Variants in TMLHE observed in about 807,000 individuals in gnomAD.
TMLHE encodes the protein trimethyllysine hydroxylase, epsilon.
Under a neutral mutation model 25.7 loss-of-function variants are expected in TMLHE, and 18 were observed. The ratio of observed to expected loss-of-function variants is 0.70; its 90% CI spans 0.48 to 1.04. The LOEUF (loss-of-function observed/expected upper bound fraction) is 1.04. Among genes scored for constraint, TMLHE ranks in the 50% least tolerant of loss-of-function variants. TMLHE has a pLI of 0.00. For missense variants in TMLHE, 236 were observed against 259.0 expected (o/e 0.91, Z 0.61); for synonymous variants, 105 against 97.0 (o/e 1.08, Z -0.49).
intron 1 of TMLHE, among the ~76,000 whole-genome samples, chrX:155,557,981 C>T (rs1459014539): frequency 8.9e-6 from 1 of 111,774 alleles, no homozygotes; most frequent in Admixed American, 9.5e-5. Flanking sequence ...TTGACCTATC[C>T]ACTCTTGCCC....
chrX:155,608,006 T>C (rs1370454927), intron 1 of TMLHE, among the ~76,000 whole-genome samples: 3 of 111,964 alleles, frequency 2.7e-5, no homozygotes, highest in Non-Finnish European at 5.6e-5. Flanking sequence ...ATAGATTCAA[T>C]GCTATTCTTA....
chrX:155,610,987 TA>T (rs1473183661), intron 1 of TMLHE, among the ~76,000 whole-genome samples: 4 of 111,878 alleles, frequency 3.6e-5, no homozygotes, highest in African/African-American at 6.5e-5. Flanking sequence ...AGTGAAAATA[TA>T]GCTAAACAAG....
chrX:155,604,099 T>C (rs1557347618), intron 1 of TMLHE, among the ~76,000 whole-genome samples: 1 of 111,557 alleles, frequency 9.0e-6, no homozygotes, highest in East Asian at 2.9e-4. Flanking sequence ...TCCAACCCCC[T>C]GGTCTTCACC....
chrX:155,538,713 C>T (rs1220672317), intron 2 of TMLHE, among the ~76,000 whole-genome samples: 1 of 111,743 alleles, frequency 8.9e-6, no homozygotes, highest in Non-Finnish European at 1.9e-5. Context: ...CTGTTACAAT[C>T]GTTGAAATAT....
chrX:155,551,203 T>A (rs1406891029), intron 1 of TMLHE, among the ~76,000 whole-genome samples: 4 of 110,945 alleles, frequency 3.6e-5, no homozygotes, highest in Non-Finnish European at 5.7e-5. Flanking sequence ...TTCCAGCAGC[T>A]CATGTATTTT....
At chrX:155,595,321 C>T (rs1569562258) in intron 1 of TMLHE, among the ~76,000 whole-genome samples, 1 of 111,987 alleles carries the variant, frequency 8.9e-6, no homozygotes, top group Admixed American at 9.5e-5. Context: ...ATCATCTCCA[C>T]AAGAGCAGTT....
At chrX:155,548,125 C>T (rs782088768) in intron 1 of TMLHE, among the ~76,000 whole-genome samples, 26 of 111,677 alleles carry the variant, frequency 2.3e-4, no homozygotes, top group Admixed American at 3.8e-4. Flanking sequence ...AATCTAAGAC[C>T]GCAAACTATG....
At position 155,556,342 on chromosome X, in the gene TMLHE, C is replaced by T. The variant is rs2067455260; in HGVS notation, c.-1-11065G>A. Among the ~76,000 whole-genome samples, 2 of 87,189 alleles carry T rather than the reference C, an allele frequency of 2.3e-5. 1 individual carries two copies. Among genetic ancestry groups the T allele is most frequent in the African/African-American group, 7.6e-5 (2 of 26,240 alleles). 75.7% of individuals were successfully genotyped at this position (87,189 alleles called of 115,157 possible). On this transcript the variant is annotated intron_variant, in intron 1 of 7. Coordinates refer to ENST00000334398, the MANE Select transcript of TMLHE (RefSeq NM_018196.4). ...GGACTTCTGTCCTATTATCGGGGGA[C>T]CTGCCCCGATAATCACGTGGGTTCT... is the stretch of plus-strand genomic sequence containing the variant.
At chrX:155,568,656 A>G (rs1557342510) in intron 1 of TMLHE, among the ~76,000 whole-genome samples, 1 of 61,750 alleles carries the variant, frequency 1.6e-5, no homozygotes, top group Non-Finnish European at 4.5e-5. Context: ...GAACGATCAG[A>G]CAGCAGCATT....
rs1190421913 is a variant in TMLHE at position 155,571,265 on chromosome X, C to T, written c.-1-25988G>A. 3.5e-5 allele frequency among the ~76,000 whole-genome samples: 2 copies of T among 56,345 alleles called. 1 individual carries two copies. The highest frequency in any genetic ancestry group is 8.5e-5 in the African/African-American group (2 of 23,417). 48.9% of individuals were successfully genotyped at this position (56,345 alleles called of 115,157 possible). ...TGGATACATTCCTTGACACATACAC[C>T]CTCCCAAAACTAAACCAGGAAGAAG... is the stretch of plus-strand genomic sequence containing the variant. On this transcript the variant is annotated intron_variant, in intron 1 of 7. Transcript: ENST00000334398.
intron 1 of TMLHE, among the ~76,000 whole-genome samples, chrX:155,609,431 TG>T (rs1299145973): frequency 9.0e-6 from 1 of 111,411 alleles, no homozygotes; most frequent in Non-Finnish European, 1.9e-5. Flanking sequence ...AACTATCTAT[TG>T]GGTACTATGC....
Position 155,562,397 on chromosome X carries a change from CTT to C in TMLHE, c.-1-17122_-1-17121del. ...AGGCCCTGGGCCTGGCCCATGAAAC[CTT>C]TTTTTTTTCTCCTAGGCATCTGGGC... On this transcript the variant is annotated intron_variant, in intron 1 of 7. Coordinates refer to ENST00000334398, the MANE Select transcript of TMLHE (RefSeq NM_018196.4). Among the ~76,000 whole-genome samples the C allele has an allele frequency of 3.5e-5, 2 of 57,538 alleles. 1 individual carries two copies. Among genetic ancestry groups the C allele is most frequent in the Non-Finnish European group, 9.8e-5 (2 of 20,510 alleles). 50.0% of individuals were successfully genotyped at this position (57,538 alleles called of 115,157 possible).
chrX:155,609,282 CA>C (rs1557348125), intron 1 of TMLHE, among the ~76,000 whole-genome samples: 1 of 111,666 alleles, frequency 9.0e-6, no homozygotes, highest in Non-Finnish European at 1.9e-5. Flanking sequence ...CAAAGTAACA[CA>C]GGAACAGAAA....
At chrX:155,518,458 C>G (rs1395950889) in intron 3 of TMLHE, among the ~76,000 whole-genome samples, 132 of 93,252 alleles carry the variant, frequency 1.4e-3, no homozygotes, top group Middle Eastern at 5.6e-3. Context: ...CAATGTTCAT[C>G]AAGGATATTG....
intron 1 of TMLHE, among the ~76,000 whole-genome samples, chrX:155,548,330 A>C (rs1010124502): frequency 8.9e-6 from 1 of 112,178 alleles, no homozygotes; most frequent in Non-Finnish European, 1.9e-5. Context: ...GGGAGAAAAT[A>C]ATTTGCCAAC....
chrX:155,515,372 CCCAT>C (rs2067145214), intron 3 of TMLHE, among the ~76,000 whole-genome samples: 1 of 110,178 alleles, frequency 9.1e-6, no homozygotes, highest in African/African-American at 3.3e-5. Flanking sequence ...ATTTACCTAA[CCCAT>C]CTGTTATTCT....
Position 155,511,672 on chromosome X carries a change from C to T in TMLHE, c.758+1G>A. 1 of 1,194,592 alleles carries T rather than the reference C, an allele frequency of 8.4e-7. No homozygotes were observed. The highest frequency in any genetic ancestry group is 1.1e-6 in the Non-Finnish European group (1 of 884,622). On this transcript the variant is annotated splice_donor_variant, in intron 5 of 7. Coordinates refer to ENST00000334398, the MANE Select transcript of TMLHE (RefSeq NM_018196.4). LOFTEE classifies it high-confidence loss of function. ...ACACTGTAAAAGTCTAATCCACCTA[C>T]CCACAGGGCTCTTGAAAATAGGTAG...
intron 1 of TMLHE, among the ~76,000 whole-genome samples, chrX:155,558,294 C>T (rs1329288063): frequency 2.7e-5 from 3 of 112,010 alleles, no homozygotes; most frequent in African/African-American, 9.7e-5. Flanking sequence ...TTTTAAGAAT[C>T]AGTCTAGATA....
intron 3 of TMLHE, among the ~76,000 whole-genome samples, chrX:155,518,326 T>C (rs2067170160): frequency 1.1e-5 from 1 of 93,689 alleles, no homozygotes; most frequent in African/African-American, 4.0e-5. Context: ...TTACATTTAT[T>C]GATTTGTGTA....
Sources: allele counts gnomAD v4.1 joint callset (sites outside exome capture counted in the v4.1 genomes callset), GRCh38; gene constraint gnomAD v4.1.1; transcripts MANE v1.5; gene names NCBI Gene and HGNC (gene_info 2026-07-23, HGNC 2026-07-21).